The following ZNF354B variants were observed in gnomAD, a reference collection of about 807,000 sequenced individuals.
ZNF354B encodes the protein zinc finger protein 354B.
Under a neutral mutation model 12.9 loss-of-function variants are expected in ZNF354B, and 10 were observed. The ratio of observed to expected loss-of-function variants is 0.77; its 90% CI spans 0.48 to 1.31. The LOEUF (loss-of-function observed/expected upper bound fraction) is 1.31, where lower values mean the gene tolerates loss of function less well. Among genes scored for constraint, ZNF354B ranks in the 40% most tolerant of loss-of-function variants. The pLI is 0.00. For synonymous variants in ZNF354B, 260 were observed against 243.7 expected, an observed-to-expected ratio of 1.07 and a Z score of -0.62; for missense variants, 614 against 711.7, an observed-to-expected ratio of 0.86 and a Z score of 1.56.
At chr5:178,861,235 C>T (rs1361658368) in intron 2 of ZNF354B, among the ~76,000 whole-genome samples, 155 bp downstream of exon 2, 1 of 151,794 alleles carries the variant, frequency 6.6e-6, no homozygotes, top group Non-Finnish European at 1.5e-5. Context: ...GTAGGGAGGA[C>T]CACCCACCCT....
intron 2 of ZNF354B, among the ~76,000 whole-genome samples, chr5:178,862,362 C>CTTTTT (rs769224561): frequency 0.013 from 1,324 of 105,560 alleles, 65 homozygotes; most frequent in African/African-American, 0.043. Context: ...GTGGCATTAT[C>CTTTTT]TTTTTTTTTT....
At position 178,882,826 on chromosome 5, in the gene ZNF354B, G is replaced by A. The variant is rs754265214; in HGVS notation, c.374G>A (p.Cys125Tyr). The A allele has an allele frequency of 1.2e-6, 2 of 1,606,660 alleles. No homozygotes were observed. The highest frequency in any genetic ancestry group is 1.1e-5 in the South Asian group (1 of 88,206). ...TGGAACTTCATATCAGAAAGATCCT[G>A]CATATATGAAGAGAAATTAAAGAAA... ...EPWNFISERS[C>Y]IYEEKLKKQQ... Residue 125 changes from cysteine (C) to tyrosine (Y), a missense_variant, in exon 5 of 5, where the codon TGC becomes TAC. Physicochemically the swap from Cys to Tyr is radical, Grantham distance 194. Coordinates refer to ENST00000322434, the MANE Select transcript of ZNF354B (RefSeq NM_058230.3).
intron 2 of ZNF354B, among the ~76,000 whole-genome samples, chr5:178,865,233 C>T (rs749531171): frequency 3.3e-5 from 5 of 152,038 alleles, no homozygotes; most frequent in African/African-American, 7.3e-5. Flanking sequence ...TTGGAATCCC[C>T]GCTCTACCAC....
rs539115672 is a variant in ZNF354B, at chr5:178,867,440, G to A, written c.256+369G>A. ...TAGAAAGCTAGGGAAGGGCCGCGTAGTAAGTGCTTGGGCACAGTTGTAAGA... is the reference window on the plus strand; with the variant it reads ...TAGAAAGCTAGGGAAGGGCCGCGTAATAAGTGCTTGGGCACAGTTGTAAGA... On this transcript the variant is annotated intron_variant, in intron 4 of 4. Coordinates refer to ENST00000322434, the MANE Select transcript of ZNF354B (RefSeq NM_058230.3). Among the ~76,000 whole-genome samples, 3 of 152,352 alleles carry A rather than the reference G, an allele frequency of 2.0e-5. No individual in the cohort carries two copies. In the South Asian group the frequency reaches 6.2e-4, roughly 32 times the overall value.
chr5:178,878,369 C>T lies in ZNF354B; in HGVS notation c.257-4340C>T, dbSNP rs976353654. ...CTGTGCTCCAGCCTGGGCAACAGAG[C>T]GAGACTCCGTCTCAAAAAAAAAAAA... On this transcript the variant is annotated intron_variant, in intron 4 of 4. Transcript: ENST00000322434. Among the ~76,000 whole-genome samples, 54 of 148,036 alleles carry T rather than the reference C, an allele frequency of 3.6e-4. No individual in the cohort carries two copies. In the East Asian group the frequency reaches 9.9e-3, roughly 27 times the overall value.
intron 2 of ZNF354B, among the ~76,000 whole-genome samples, chr5:178,865,352 C>CT (rs1216746977): frequency 1.3e-5 from 2 of 152,076 alleles, no homozygotes; most frequent in African/African-American, 4.8e-5. Context: ...AGTGCAATCT[C>CT]TGCTTCCCGG....
chr5:178,871,645 C>T (rs1345776070), intron 4 of ZNF354B, among the ~76,000 whole-genome samples: 2 of 152,142 alleles, frequency 1.3e-5, no homozygotes, highest in African/African-American at 4.8e-5. Context: ...ATAATGAATG[C>T]ACGAGTGACT....
chr5:178,883,360 G>A lies in ZNF354B; in HGVS notation c.908G>A (p.Cys303Tyr). 4 of 1,614,122 alleles carry A rather than the reference G, an allele frequency of 2.5e-6. No homozygotes were observed. The South Asian group carries it at 3.3e-5, about 13-fold the overall frequency. ...GAGAAATGCTATAGATGTAAAGAAT[G>A]TGGTAAATCCTTCAGTCGAAGGTCT... ...TVEKCYRCKECGKSFSRRSGL... is the reference protein window; with the variant it reads ...TVEKCYRCKEYGKSFSRRSGL... The change falls in exon 5 of 5, where the codon TGT becomes TAT. Residue 303 changes from cysteine (C) to tyrosine (Y), a missense_variant. By Grantham distance (194) the Cys-to-Tyr change is radical (BLOSUM62 -2). Coordinates refer to ENST00000322434, the MANE Select transcript of ZNF354B (RefSeq NM_058230.3).
At chr5:178,864,846 C>T (rs1757421663) in intron 2 of ZNF354B, among the ~76,000 whole-genome samples, 2 of 152,066 alleles carry the variant, frequency 1.3e-5, no homozygotes, top group Admixed American at 6.6e-5. Flanking sequence ...TGGTCTCGAA[C>T]TCCTGAGCTC....
intron 2 of ZNF354B, among the ~76,000 whole-genome samples, chr5:178,865,977 A>G (rs1217093601): frequency 2.6e-5 from 4 of 152,176 alleles, no homozygotes; most frequent in African/African-American, 2.4e-5. Flanking sequence ...AAAATTGCCA[A>G]CGAAAGATTA....
In ZNF354B at chr5:178,882,860, C is replaced by G; in HGVS notation, c.408C>G (p.Asp136Glu). The G allele has an allele frequency of 1.2e-5, 20 of 1,604,380 alleles. No homozygotes were observed. Among genetic ancestry groups the G allele is most frequent in the Non-Finnish European group, 1.6e-5 (19 of 1,177,774 alleles). ...AAGAGAAATTAAAGAAACAGCAGGA[C>G]AAAAATGAAAATTTACAAATAATTT... is the stretch of plus-strand genomic sequence containing the variant. The part of the protein sequence containing the change: ...IYEEKLKKQQ[D>E]KNENLQIISV... The change falls in exon 5 of 5, where the codon GAC becomes GAG. Residue 136 changes from aspartate to glutamate, a missense_variant. Physicochemically the swap from Asp to Glu is conservative, Grantham distance 45 (BLOSUM62 2). Coordinates refer to ENST00000322434, the MANE Select transcript of ZNF354B (RefSeq NM_058230.3).
intron 4 of ZNF354B, among the ~76,000 whole-genome samples, chr5:178,880,733 G>C (rs976306418): frequency 5.3e-5 from 8 of 151,486 alleles, no homozygotes; most frequent in African/African-American, 1.9e-4. Flanking sequence ...AGGCTCAAGG[G>C]ATCCTCTTGG....
At chr5:178,873,935 A>G in intron 4 of ZNF354B, among the ~76,000 whole-genome samples, 1 of 147,496 alleles carries the variant, frequency 6.8e-6, no homozygotes. Context: ...TCATCATATG[A>G]GTCCTCTGTT....
At chr5:178,880,621 G>A (rs1441320797) in intron 4 of ZNF354B, among the ~76,000 whole-genome samples, 2 of 150,206 alleles carry the variant, frequency 1.3e-5, no homozygotes, top group Non-Finnish European at 3.0e-5. Flanking sequence ...AGCCTTTTAT[G>A]TAGCCAGGAC....
intron 4 of ZNF354B, among the ~76,000 whole-genome samples, chr5:178,873,370 A>G (rs1277383953): frequency 1.3e-5 from 2 of 152,192 alleles, no homozygotes; most frequent in Non-Finnish European, 2.9e-5. Context: ...TTCTGCCTGT[A>G]CTTAGATCAT....
At chr5:178,872,013 A>G (rs755410437) in intron 4 of ZNF354B, among the ~76,000 whole-genome samples, 1 of 152,252 alleles carries the variant, frequency 6.6e-6, no homozygotes, top group African/African-American at 2.4e-5. Context: ...ACCATAGTAT[A>G]ATACCACAAC....
chr5:178,866,820 A>G (rs947674606), intron 3 of ZNF354B, among the ~76,000 whole-genome samples, 156 bp from the exon 4 acceptor site: 1 of 152,248 alleles, frequency 6.6e-6, no homozygotes, highest in East Asian at 1.9e-4. Context: ...GTTACTTGAT[A>G]GATCATTCTA....
intron 4 of ZNF354B, among the ~76,000 whole-genome samples, chr5:178,868,215 C>A (rs11957903): frequency 6.8e-6 from 1 of 148,048 alleles, no homozygotes; most frequent in Admixed American, 6.7e-5. Flanking sequence ...ATCAGCATGA[C>A]GGGCATTAGA....
intron 2 of ZNF354B, among the ~76,000 whole-genome samples, chr5:178,863,365 A>G (rs1757393154): frequency 1.3e-5 from 2 of 151,172 alleles, no homozygotes; most frequent in South Asian, 4.2e-4. Flanking sequence ...ATAAAAGACC[A>G]TAAATGTGAT....
Sources: allele counts gnomAD v4.1 joint callset (sites outside exome capture counted in the v4.1 genomes callset), GRCh38; gene constraint gnomAD v4.1.1; transcripts MANE v1.5; gene names NCBI Gene and HGNC (gene_info 2026-07-23, HGNC 2026-07-21).